Variants in LHFPL3 observed in about 807,000 individuals in gnomAD.
LHFPL3 encodes the protein LHFPL tetraspan subfamily member 3, also known as LHFPL tetraspan subfamily member 3 protein.
LHFPL3 carries 5 observed loss-of-function variants against 19.3 expected under a neutral mutation model. The observed-to-expected ratio is 0.26, with a 90% CI of 0.14 to 0.54. The LOEUF (loss-of-function observed/expected upper bound fraction) is 0.54. Among genes scored for constraint, LHFPL3 ranks in the 20% least tolerant of loss-of-function variants. The pLI, the probability that LHFPL3 is intolerant of heterozygous loss-of-function variation, is 0.94. For synonymous variants in LHFPL3, 133 were observed against 126.2 expected, an observed-to-expected ratio of 1.05 and a Z score of -0.36; for missense variants, 249 against 307.4, an observed-to-expected ratio of 0.81 and a Z score of 1.42.
At chr7:104,574,789 C>G (rs900553656) in intron 1 of LHFPL3, among the ~76,000 whole-genome samples, 7 of 152,056 alleles carry the variant, frequency 4.6e-5, no homozygotes, top group African/African-American at 1.7e-4. Flanking sequence ...GTCCCATACA[C>G]CCTTAGGGTT....
At chr7:104,329,891 T>A (rs1392466613) in intron 1 of LHFPL3, among the ~76,000 whole-genome samples, 1 of 152,222 alleles carries the variant, frequency 6.6e-6, no homozygotes, top group Non-Finnish European at 1.5e-5. Flanking sequence ...TCCTTGTCCG[T>A]GCAAAGTTCC....
At chr7:104,335,077 A>T (rs1221158020) in intron 1 of LHFPL3, among the ~76,000 whole-genome samples, 2 of 152,136 alleles carry the variant, frequency 1.3e-5, no homozygotes, top group African/African-American at 4.8e-5. Context: ...GTGATTCTGA[A>T]TGTACTGAGC....
intron 1 of LHFPL3, among the ~76,000 whole-genome samples, chr7:104,569,113 A>G (rs913889180): frequency 6.6e-6 from 1 of 152,168 alleles, no homozygotes; most frequent in African/African-American, 2.4e-5. Context: ...TAGATGGACA[A>G]CTGTAGGCAA....
chr7:104,539,764 G>C (rs928922107), intron 1 of LHFPL3, among the ~76,000 whole-genome samples: 15 of 152,152 alleles, frequency 9.9e-5, no homozygotes, highest in African/African-American at 3.6e-4. Context: ...CTTTTAACCT[G>C]AGATTATGCT....
At position 104,430,420 on chromosome 7, in the gene LHFPL3, A is replaced by ATATATATATATG. The variant is rs1562895216; in HGVS notation, c.445+101207_445+101208insGTATATATATAT. 3.0e-3 allele frequency among the ~76,000 whole-genome samples: 35 copies of ATATATATATATG among 11,786 alleles called. 1 individual carries two copies. Among genetic ancestry groups the ATATATATATATG allele is most frequent in the Non-Finnish European group, 5.3e-3 (29 of 5,422 alleles). 7.7% of individuals were successfully genotyped at this position (11,786 alleles called of 152,430 possible). On this transcript the variant is annotated intron_variant, in intron 1 of 2. Transcript: ENST00000424859. ...TATATATATACATATATATATATAC[A>ATATATATATATG]TATATATATATATATATATATATAT...
intron 1 of LHFPL3, among the ~76,000 whole-genome samples, chr7:104,695,071 G>A (rs577291513): frequency 1.3e-5 from 2 of 152,302 alleles, no homozygotes; most frequent in Admixed American, 6.5e-5. Flanking sequence ...CCTTGGTCCT[G>A]CCAGCCTGAT....
rs114196047 is a variant in LHFPL3 at position 104,719,232 on chromosome 7, A to C, written c.446-17443A>C. Reference sequence around the variant, plus strand: ...ATAAGAAGGAGAAATTATTATACATACAAGTAGCCATATATATAAATTAAT... The same window carrying C: ...ATAAGAAGGAGAAATTATTATACATCCAAGTAGCCATATATATAAATTAAT... On this transcript the variant is annotated intron_variant, in intron 1 of 2. Coordinates refer to ENST00000424859, the MANE Select transcript of LHFPL3 (RefSeq NM_199000.3). 9.7e-3 allele frequency among the ~76,000 whole-genome samples: 1,481 copies of C among 152,334 alleles called. 24 individuals are homozygous for C. The highest frequency in any genetic ancestry group is 0.033 in the African/African-American group (1,360 of 41,578).
chr7:104,745,173 C>A (rs1183810770), intron 2 of LHFPL3, among the ~76,000 whole-genome samples: 1 of 152,204 alleles, frequency 6.6e-6, no homozygotes, highest in Non-Finnish European at 1.5e-5. Flanking sequence ...TCCTCTCTGG[C>A]CAACAAATTG....
At chr7:104,380,758 C>G (rs934110342) in intron 1 of LHFPL3, among the ~76,000 whole-genome samples, 1 of 152,054 alleles carries the variant, frequency 6.6e-6, no homozygotes, top group Non-Finnish European at 1.5e-5. Flanking sequence ...AAGACATTCT[C>G]AAATTTGGAA....
At chr7:104,593,765 G>A (rs1790779648) in intron 1 of LHFPL3, among the ~76,000 whole-genome samples, 1 of 152,156 alleles carries the variant, frequency 6.6e-6, no homozygotes, top group African/African-American at 2.4e-5. Flanking sequence ...AGCTCTTCTT[G>A]TTGAATTGAT....
intron 1 of LHFPL3, among the ~76,000 whole-genome samples, chr7:104,614,733 TTCTTTC>T (rs1272758480): frequency 3.0e-5 from 4 of 132,686 alleles, no homozygotes; most frequent in Non-Finnish European, 4.9e-5. Context: ...CTTTCTTTCT[TTCTTTC>T]TCTTTCTCTC....
chr7:104,397,482 A>G (rs1457527426), intron 1 of LHFPL3, among the ~76,000 whole-genome samples: 1 of 152,178 alleles, frequency 6.6e-6, no homozygotes, highest in Non-Finnish European at 1.5e-5. Context: ...TTCATGGTTC[A>G]TCGTTGTGGA....
At chr7:104,339,768 T>G (rs993344591) in intron 1 of LHFPL3, among the ~76,000 whole-genome samples, 9 of 152,250 alleles carry the variant, frequency 5.9e-5, no homozygotes, top group African/African-American at 2.2e-4. Context: ...TTCATTTCTC[T>G]AACCTAGAGT....
intron 1 of LHFPL3, among the ~76,000 whole-genome samples, chr7:104,540,465 C>A (rs779383129): frequency 1.4e-4 from 21 of 152,102 alleles, no homozygotes; most frequent in Non-Finnish European, 2.9e-4. Context: ...ACAGGACAGT[C>A]CCCCACAACA....
intron 1 of LHFPL3, among the ~76,000 whole-genome samples, chr7:104,607,453 C>G (rs1791123822): frequency 6.6e-6 from 1 of 152,188 alleles, no homozygotes; most frequent in African/African-American, 2.4e-5. Flanking sequence ...ACCATATGTT[C>G]AGATCACAGT....
intron 1 of LHFPL3, among the ~76,000 whole-genome samples, chr7:104,335,506 AAAAC>A (rs1161910287): frequency 1.3e-5 from 2 of 152,244 alleles, no homozygotes; most frequent in African/African-American, 2.4e-5. Flanking sequence ...ATGTGATGTC[AAAAC>A]AAACAGTTTT....
At chr7:104,893,813 A>G (rs1792299665) in intron 2 of LHFPL3, among the ~76,000 whole-genome samples, 1 of 151,934 alleles carries the variant, frequency 6.6e-6, no homozygotes, top group African/African-American at 2.4e-5. Flanking sequence ...TTAGCCAGGC[A>G]TGGTGGCATA....
chr7:104,495,675 G>A lies in LHFPL3; in HGVS notation c.445+166451G>A, dbSNP rs561776918. Among the ~76,000 whole-genome samples, 37 of 152,170 alleles carry A rather than the reference G, an allele frequency of 2.4e-4. No homozygotes were observed. In the East Asian group the frequency reaches 6.2e-3, roughly 26 times the overall value. On this transcript the variant is annotated intron_variant, in intron 1 of 2. Coordinates refer to ENST00000424859, the MANE Select transcript of LHFPL3 (RefSeq NM_199000.3). The stretch of plus-strand genomic sequence containing the variant: ...TGGGATTACAGGCTTGAGCTAACGC[G>A]CCTGGCCTAAAAATTTTTTTGTAGA...
chr7:104,461,865 G>T (rs562039301), intron 1 of LHFPL3, among the ~76,000 whole-genome samples: 3 of 152,200 alleles, frequency 2.0e-5, no homozygotes, highest in South Asian at 4.1e-4. Flanking sequence ...TAATAATATT[G>T]ATTCTTCCTA....
Sources: gnomAD v4.1 joint callset for allele counts (sites outside exome capture counted in the v4.1 genomes callset) on GRCh38, gnomAD v4.1.1 for gene constraint, MANE v1.5 for transcripts, NCBI Gene and HGNC (gene_info 2026-07-23, HGNC 2026-07-21) for gene names.